The following AFF3 variants were observed in gnomAD, a reference collection of about 807,000 sequenced individuals.
The protein encoded by AFF3 is ALF transcription elongation factor 3, also known as AF4/FMR2 family member 3.
AFF3 carries 32 observed loss-of-function variants against 129.7 expected under a neutral mutation model. The ratio of observed to expected loss-of-function variants is 0.25; its 90% CI spans 0.19 to 0.33. The LOEUF is 0.33. Among genes scored for constraint, AFF3 ranks in the 10% least tolerant of loss-of-function variants. The pLI is 1.00. For missense variants in AFF3, 1,373 were observed against 1,592.0 expected (o/e 0.86, Z 2.34); for synonymous variants, 644 against 635.4 (o/e 1.01, Z -0.20).
rs997700276 is a variant in AFF3, at chr2:100,007,224, G to A, written c.411C>T (p.Pro137=). The change falls in exon 6 of 25, where the codon CCC becomes CCT. Residue 137 remains proline (P), a synonymous_variant. Coordinates refer to ENST00000672756, the MANE Select transcript of AFF3 (RefSeq NM_001386135.1). The part of the protein sequence containing the change: ...STTTSTPAAV[P]VQQSKRGTMG... ...TAGTGCCTCTCTTACTCTGCTGCAC[G>A]GGGACAGCTGCTGGTGTGGAAGTTG... 11 of 1,614,030 alleles carry A rather than the reference G, an allele frequency of 6.8e-6. No homozygotes were observed. Among genetic ancestry groups the A allele is most frequent in the African/African-American group, 2.7e-5 (2 of 74,902 alleles).
At chr2:99,767,918 A>T (rs997806683) in intron 8 of AFF3, among the ~76,000 whole-genome samples, 2 of 152,154 alleles carry the variant, frequency 1.3e-5, no homozygotes, top group African/African-American at 2.4e-5. Context: ...GCACTCCTCG[A>T]GGCATTTGGG....
At chr2:99,702,795 A>G (rs1364506771) in intron 11 of AFF3, among the ~76,000 whole-genome samples, 2 of 152,210 alleles carry the variant, frequency 1.3e-5, no homozygotes, top group East Asian at 1.9e-4. Flanking sequence ...AGTTCTTTAT[A>G]TATTCCACAT....
intron 16 of AFF3, among the ~76,000 whole-genome samples, chr2:99,585,541 T>G (rs1169945675): frequency 6.6e-6 from 1 of 151,238 alleles, no homozygotes; most frequent in African/African-American, 2.4e-5. Flanking sequence ...AGAGCAAGAG[T>G]TTTTTAACCT....
intron 7 of AFF3, among the ~76,000 whole-genome samples, chr2:99,988,864 A>C (rs549046007): frequency 1.2e-4 from 19 of 152,196 alleles, no homozygotes; most frequent in Non-Finnish European, 2.1e-4. Context: ...TTACTACAGA[A>C]AAATATTTAT....
At chr2:99,818,674 G>A (rs1320357416) in intron 8 of AFF3, among the ~76,000 whole-genome samples, 1 of 152,124 alleles carries the variant, frequency 6.6e-6, no homozygotes, top group Non-Finnish European at 1.5e-5. Flanking sequence ...TGAGATAGCT[G>A]GTTCAAGCAA....
intron 4 of AFF3, among the ~76,000 whole-genome samples, chr2:100,053,835 C>T (rs6750214): frequency 0.15 from 22,365 of 152,128 alleles, 1,946 homozygotes; most frequent in African/African-American, 0.2. Flanking sequence ...GTATTTGGGG[C>T]TCTGAAGGGG....
chr2:99,681,134 C>T (rs1458833104), intron 11 of AFF3, among the ~76,000 whole-genome samples: 1 of 152,126 alleles, frequency 6.6e-6, no homozygotes, highest in Non-Finnish European at 1.5e-5. Flanking sequence ...TTCTGATTCA[C>T]AGCAATGTTG....
intron 1 of AFF3, among the ~76,000 whole-genome samples, chr2:100,140,037 T>C (rs1692797212): frequency 6.6e-6 from 1 of 152,236 alleles, no homozygotes; most frequent in Non-Finnish European, 1.5e-5. Context: ...ACATTATTTA[T>C]ACTTTTCATT....
intron 7 of AFF3, among the ~76,000 whole-genome samples, chr2:99,974,988 TC>T (rs1678735903): frequency 6.6e-6 from 1 of 152,198 alleles, no homozygotes; most frequent in South Asian, 2.1e-4. Flanking sequence ...ATAATGGACT[TC>T]CTGAAACCTG....
At chr2:99,573,662 TCTTC>T (rs1413051678) in intron 18 of AFF3, among the ~76,000 whole-genome samples, 2 of 152,252 alleles carry the variant, frequency 1.3e-5, no homozygotes, top group Non-Finnish European at 2.9e-5. Context: ...GTCAAGTCCC[TCTTC>T]CTTCCTCCCG....
intron 10 of AFF3, 26 bp from the exon 11 acceptor site, chr2:99,727,154 C>G: frequency 6.3e-7 from 1 of 1,599,642 alleles, no homozygotes; most frequent in Non-Finnish European, 8.5e-7. Flanking sequence ...GAAAAAAATA[C>G]CGACATATGA....
intron 13 of AFF3, among the ~76,000 whole-genome samples, chr2:99,632,410 G>T (rs1184320782): frequency 2.0e-5 from 3 of 152,178 alleles, no homozygotes; most frequent in African/African-American, 7.2e-5. Context: ...TCTCACTGTG[G>T]TTTAAACCAG....
chr2:99,671,348 T>C (rs2030692), intron 12 of AFF3, among the ~76,000 whole-genome samples: 128,086 of 152,156 alleles, frequency 0.84, 53,981 homozygotes, highest in East Asian at 0.92. Flanking sequence ...ACTCGAAGCC[T>C]GAGTGGCCTT....
intron 7 of AFF3, among the ~76,000 whole-genome samples, chr2:99,966,985 G>A (rs2104388061): frequency 6.6e-6 from 1 of 152,104 alleles, no homozygotes; most frequent in South Asian, 2.1e-4. Flanking sequence ...ATTCATGCTG[G>A]GCCAGTTCTG....
intron 20 of AFF3, among the ~76,000 whole-genome samples, chr2:99,561,740 T>C (rs1385160831): frequency 6.6e-6 from 1 of 152,192 alleles, no homozygotes; most frequent in Non-Finnish European, 1.5e-5. Context: ...GAGTAGTTTA[T>C]TGTATATATA....
chr2:100,059,364 T>C (rs1420089752), intron 4 of AFF3, among the ~76,000 whole-genome samples: 1 of 151,776 alleles, frequency 6.6e-6, no homozygotes, highest in Non-Finnish European at 1.5e-5. Context: ...ATCTTTAGTC[T>C]TTAAGGAAAT....
chr2:100,014,954 ATTTTTTTTT>A (rs562822524), intron 4 of AFF3, among the ~76,000 whole-genome samples: 38 of 121,650 alleles, frequency 3.1e-4, no homozygotes, highest in East Asian at 1.7e-3. Context: ...CAGCCAGCTA[ATTTTTTTTT>A]TTTTTTTTTT....
At chr2:99,575,207 A>T (rs1315130756) in intron 18 of AFF3, among the ~76,000 whole-genome samples, 1 of 152,080 alleles carries the variant, frequency 6.6e-6, no homozygotes, top group Non-Finnish European at 1.5e-5. Context: ...TAGCCCAGTG[A>T]TCTCTTGAAG....
intron 8 of AFF3, among the ~76,000 whole-genome samples, chr2:99,824,269 C>G (rs1376300232): frequency 6.6e-6 from 1 of 152,086 alleles, no homozygotes; most frequent in Non-Finnish European, 1.5e-5. Flanking sequence ...GCATGCACCA[C>G]CATGCCCAGC....
Sources: allele counts gnomAD v4.1 joint callset (sites outside exome capture counted in the v4.1 genomes callset), GRCh38; gene constraint gnomAD v4.1.1; transcripts MANE v1.5; gene names NCBI Gene and HGNC (gene_info 2026-07-23, HGNC 2026-07-21).